Variants in ACSL3 observed in about 807,000 individuals in gnomAD.
ACSL3 encodes fatty acid CoA ligase Acsl3.
In ACSL3, 34 loss-of-function variants were observed where a neutral mutation model predicts 84.7. That is an observed-to-expected ratio of 0.40 (90% CI 0.31 to 0.53). ACSL3 has a LOEUF of 0.53. Ranked by LOEUF, ACSL3 falls within the 20% of genes least tolerant of loss-of-function variation. The pLI is 0.48. For synonymous variants in ACSL3, 315 were observed against 299.4 expected, an observed-to-expected ratio of 1.05 and a Z score of -0.54; for missense variants, 680 against 873.1, an observed-to-expected ratio of 0.78 and a Z score of 2.79.
At chr2:222,893,507 A>G (rs1250759706) in intron 2 of ACSL3, among the ~76,000 whole-genome samples, 1 of 152,060 alleles carries the variant, frequency 6.6e-6, no homozygotes, top group Non-Finnish European at 1.5e-5. Flanking sequence ...TTGAGTTACC[A>G]TGTTGTATCT....
intron 1 of ACSL3, among the ~76,000 whole-genome samples, chr2:222,864,033 TA>T (rs1316115898): frequency 6.6e-6 from 1 of 152,088 alleles, no homozygotes; most frequent in Non-Finnish European, 1.5e-5. Context: ...CCATATATGA[TA>T]AACAGAAATA....
intron 1 of ACSL3, among the ~76,000 whole-genome samples, chr2:222,886,582 C>T (rs1225347591): frequency 3.3e-5 from 5 of 152,082 alleles, no homozygotes; most frequent in Middle Eastern, 3.2e-3. Context: ...CTGTTTGCTT[C>T]GCAGGTGATA....
At position 222,908,903 on chromosome 2, in the gene ACSL3, TC is replaced by T; in HGVS notation, c.132del (p.Ser45ProfsTer16). The T allele has an allele frequency of 6.2e-7, 1 of 1,612,114 alleles. No individual in the cohort carries two copies. The highest frequency in any genetic ancestry group is 1.3e-5 in the African/African-American group (1 of 74,962). ...TILTYIPFYF[F>X]SESRQEKSNR... ...TTAACATACATTCCGTTTTATTTTT[TC>T]TCCGAGTCAAGACAAGAAAAATCAA... On this transcript the variant is annotated frameshift_variant, in exon 4 of 17. Transcript: ENST00000357430. LOFTEE classifies it high-confidence loss of function.
intron 1 of ACSL3, among the ~76,000 whole-genome samples, chr2:222,868,041 G>A (rs1695201351): frequency 6.6e-6 from 1 of 150,798 alleles, no homozygotes; most frequent in Admixed American, 6.6e-5. Context: ...ATATTTTACA[G>A]ATATATATTA....
Position 222,944,421 on chromosome 2 carries a change from CAG to C in ACSL3, c.*2768_*2769del, listed in dbSNP as rs1316672285. 1 of 151,988 alleles carries C rather than the reference CAG, an allele frequency of 6.6e-6. No homozygotes were observed. The highest frequency in any genetic ancestry group is 1.5e-5 in the Non-Finnish European group (1 of 67,970). The allele number at this position is 151,988 out of a possible 1,614,324, so 9.4% of individuals were successfully genotyped here. A position where few individuals can be genotyped will look rare whatever the true frequency, so the allele number is the denominator to read the frequency against. ...TTTTACAGGGGGATCCGCTTTTAAA[CAG>C]TGTACATATTGGACCACACTGAAAT... On this transcript the variant is annotated 3_prime_UTR_variant, in exon 17 of 17. Transcript: ENST00000357430.
chr2:222,941,702 G>T lies in ACSL3; in HGVS notation c.*48G>T. The T allele has an allele frequency of 6.5e-7, 1 of 1,540,956 alleles. No individual in the cohort carries two copies. Among genetic ancestry groups the T allele is most frequent in the South Asian group, 1.2e-5 (1 of 82,038 alleles). ...TGCTACAGTGAGCTCAGATCAAATA[G>T]GAAAATACTTGAAATGCATGTCTCA... On this transcript the variant is annotated 3_prime_UTR_variant, in exon 17 of 17. Coordinates refer to ENST00000357430, the MANE Select transcript of ACSL3 (RefSeq NM_004457.5).
intron 1 of ACSL3, among the ~76,000 whole-genome samples, chr2:222,864,850 G>GT (rs1047470072): frequency 2.0e-5 from 3 of 152,154 alleles, no homozygotes; most frequent in African/African-American, 7.2e-5. Context: ...ACCTTCCACA[G>GT]TAACAGAATA....
At chr2:222,870,299 A>T (rs1695266041) in intron 1 of ACSL3, among the ~76,000 whole-genome samples, 2 of 152,038 alleles carry the variant, frequency 1.3e-5, no homozygotes, top group South Asian at 4.1e-4. Flanking sequence ...GTATTCATTG[A>T]TGTGTTTACT....
Position 222,916,299 on chromosome 2 carries a change from A to C in ACSL3, c.379-20A>C. ...TTATTATTTTGATTACATTAAAAAA[A>C]TTTTTTTTTGTTTTATCAGGTTATT... is the stretch of plus-strand genomic sequence containing the variant. On this transcript the variant is annotated intron_variant, in intron 4 of 16. Transcript: ENST00000357430. The C allele has an allele frequency of 7.0e-7, 1 of 1,432,866 alleles. No individual in the cohort carries two copies. The highest frequency in any genetic ancestry group is 9.3e-7 in the Non-Finnish European group (1 of 1,079,112). The allele number at this position is 1,432,866 out of a possible 1,614,324, so 88.8% of individuals were successfully genotyped here. A position where few individuals can be genotyped will look rare whatever the true frequency, so the allele number is the denominator to read the frequency against.
intron 13 of ACSL3, 41 bp downstream of exon 13, chr2:222,928,977 T>C: frequency 6.5e-7 from 1 of 1,540,030 alleles, no homozygotes; most frequent in South Asian, 1.1e-5. Context: ...ATTTTTAAAG[T>C]ATTAAACTTG....
chr2:222,879,806 C>G (rs889489203), intron 1 of ACSL3, among the ~76,000 whole-genome samples: 1 of 152,216 alleles, frequency 6.6e-6, no homozygotes. Flanking sequence ...CAGTGCTTCC[C>G]TTCCCAACAG....
intron 1 of ACSL3, among the ~76,000 whole-genome samples, chr2:222,872,401 C>T (rs1651333001): frequency 6.6e-6 from 1 of 152,182 alleles, no homozygotes; most frequent in Non-Finnish European, 1.5e-5. Context: ...GCTGGGATTA[C>T]AGGTGCTCCT....
intron 4 of ACSL3, 27 bp downstream of exon 4, chr2:222,909,177 A>G (rs1043380055): frequency 6.4e-7 from 1 of 1,573,938 alleles, no homozygotes; most frequent in Admixed American, 2.0e-5. Context: ...TTGCCTTTGA[A>G]TTCTTTCGAA....
chr2:222,875,141 G>A (rs997541770), intron 1 of ACSL3, among the ~76,000 whole-genome samples: 3 of 152,104 alleles, frequency 2.0e-5, no homozygotes, highest in Admixed American at 6.5e-5. Context: ...TGCCTGGCAC[G>A]TATTAAATGC....
chr2:222,879,797 A>G, intron 1 of ACSL3, among the ~76,000 whole-genome samples: 1 of 152,190 alleles, frequency 6.6e-6, no homozygotes. Context: ...AAACAGAGCC[A>G]GTGCTTCCCT....
At chr2:222,906,312 T>C (rs1326952743) in intron 3 of ACSL3, among the ~76,000 whole-genome samples, 6 of 152,246 alleles carry the variant, frequency 3.9e-5, no homozygotes, top group Non-Finnish European at 2.9e-5. Flanking sequence ...CAGGGCTTTC[T>C]TTAACTCTCA....
chr2:222,883,298 A>G (rs1695637751), intron 1 of ACSL3, among the ~76,000 whole-genome samples: 1 of 150,224 alleles, frequency 6.7e-6, no homozygotes, highest in South Asian at 2.1e-4. Context: ...CTACTGTGTC[A>G]GTCAGCCTCT....
chr2:222,871,836 C>G (rs1020889484), intron 1 of ACSL3, among the ~76,000 whole-genome samples: 1 of 152,048 alleles, frequency 6.6e-6, no homozygotes, highest in African/African-American at 2.4e-5. Context: ...ATTTTTAAGG[C>G]TTGAATTAGT....
At chr2:222,928,269 C>G (rs897554954) in intron 12 of ACSL3, among the ~76,000 whole-genome samples, 8 of 152,154 alleles carry the variant, frequency 5.3e-5, no homozygotes, top group Non-Finnish European at 1.0e-4. Flanking sequence ...GGTGTGATAG[C>G]ATAAGCTGAT....
Sources: gnomAD v4.1 joint callset for allele counts (sites outside exome capture counted in the v4.1 genomes callset) on GRCh38, gnomAD v4.1.1 for gene constraint, MANE v1.5 for transcripts, NCBI Gene and HGNC (gene_info 2026-07-23, HGNC 2026-07-21) for gene names.